AGPAT5: variants seen among roughly 807,000 people sequenced by gnomAD.
The protein encoded by AGPAT5 is 1-acylglycerol-3-phosphate O-acyltransferase 5, also known as 1-acyl-sn-glycerol-3-phosphate acyltransferase epsilon.
Under a neutral mutation model 45.6 loss-of-function variants are expected in AGPAT5, and 46 were observed. The observed-to-expected ratio is 1.01, with a 90% CI of 0.80 to 1.29. AGPAT5 has a LOEUF of 1.29. Ranked by LOEUF, AGPAT5 falls within the 50% of genes most tolerant of loss-of-function variation. The probability of loss-of-function intolerance (pLI) is 0.00; values close to 1 mark genes in which losing one functional copy is unlikely to be tolerated. For missense variants in AGPAT5, 673 were observed against 450.7 expected (o/e 1.49, Z -4.47); for synonymous variants, 272 against 167.0 (o/e 1.63, Z -4.85).
intron 1 of AGPAT5, among the ~76,000 whole-genome samples, chr8:6,718,667 A>G (rs996984405): frequency 6.6e-6 from 1 of 152,204 alleles, no homozygotes; most frequent in African/African-American, 2.4e-5. Context: ...CAAATTTCAC[A>G]AGACATTCTT....
intron 1 of AGPAT5, among the ~76,000 whole-genome samples, chr8:6,714,796 G>A (rs1218089867): frequency 6.6e-6 from 1 of 152,140 alleles, no homozygotes; most frequent in Non-Finnish European, 1.5e-5. Flanking sequence ...CATACCTATG[G>A]GGATACCTCT....
At position 6,708,880 on chromosome 8, in the gene AGPAT5, G is replaced by C. The variant is rs780235451; in HGVS notation, c.212G>C (p.Gly71Ala). 3.7e-6 allele frequency: 6 copies of C among 1,602,274 alleles called. No homozygotes were observed. The highest frequency in any genetic ancestry group is 4.3e-6 in the Non-Finnish European group (5 of 1,174,840). ...MVLFFFENYT[G>A]VQILLYGDLP... ...CTCTTCTTCTTCGAGAATTACACCG[G>C]GGTCCAGGTGAGCCGCCTCCCGCTC... The change falls in exon 1 of 8, where the codon GGG becomes GCG. Residue 71 changes from glycine (G) to alanine (A), a missense_variant. Physicochemically the swap from Gly to Ala is moderately conservative, Grantham distance 60. Transcript: ENST00000285518.
chr8:6,737,931 T>C (rs202108920), intron 4 of AGPAT5, among the ~76,000 whole-genome samples: 1 of 152,190 alleles, frequency 6.6e-6, no homozygotes, highest in East Asian at 1.9e-4. Flanking sequence ...TCTCTCAGCC[T>C]TCAGAGAATT....
chr8:6,743,114 C>G (rs913834089), intron 5 of AGPAT5, among the ~76,000 whole-genome samples: 1 of 152,162 alleles, frequency 6.6e-6, no homozygotes, highest in South Asian at 2.1e-4. Flanking sequence ...GGCTGTTCTC[C>G]ATTATCCTCC....
At chr8:6,741,509 C>T (rs1457364177) in intron 4 of AGPAT5, 152 bp from the exon 5 acceptor site, 1 of 504,248 alleles carries the variant, frequency 2.0e-6, no homozygotes, top group Non-Finnish European at 3.5e-6. Flanking sequence ...TTGTTTGCCC[C>T]TCTTGAAACG....
chr8:6,709,011 C>T (rs1800041450), intron 1 of AGPAT5, 124 bp downstream of exon 1: 3 of 904,104 alleles, frequency 3.3e-6, no homozygotes, highest in Middle Eastern at 4.2e-4. Flanking sequence ...ACGGAGAGCA[C>T]GTGCCGCCTC....
At chr8:6,709,039 A>G (rs775186694) in intron 1 of AGPAT5, 152 bp downstream of exon 1, 6 of 786,760 alleles carry the variant, frequency 7.6e-6, no homozygotes, top group Non-Finnish European at 1.3e-5. Flanking sequence ...TCCTCTCCGC[A>G]TGCTTCCTGC....
intron 4 of AGPAT5, among the ~76,000 whole-genome samples, chr8:6,735,538 C>T (rs189500783): frequency 1.3e-5 from 2 of 152,328 alleles, no homozygotes; most frequent in East Asian, 1.9e-4. Context: ...GTATCTGTTA[C>T]ATTGGCCCCC....
intron 4 of AGPAT5, among the ~76,000 whole-genome samples, chr8:6,739,586 G>C (rs1057207778): frequency 1.3e-5 from 2 of 151,808 alleles, no homozygotes; most frequent in African/African-American, 4.8e-5. Context: ...TGTTGACCTA[G>C]GCATATATTT....
At chr8:6,741,628 CAAAAT>C in intron 4 of AGPAT5, 28 bp from the exon 5 acceptor site, 2 of 1,509,754 alleles carry the variant, frequency 1.3e-6, no homozygotes, top group Non-Finnish European at 1.8e-6. Context: ...AAAGCTCACA[CAAAAT>C]AAACCAAATT....
chr8:6,747,194 C>A (rs1563303812), intron 5 of AGPAT5, among the ~76,000 whole-genome samples: 1 of 152,128 alleles, frequency 6.6e-6, no homozygotes, highest in African/African-American at 2.4e-5. Flanking sequence ...ACTATTCAGC[C>A]ATAAAAAGGA....
Position 6,711,409 on chromosome 8 carries a change from T to C in AGPAT5, c.219+2522T>C, listed in dbSNP as rs118122861. The stretch of plus-strand genomic sequence containing the variant: ...ATTGTTCCTTATAACTCGTTTATCC[T>C]TTTAGGTCCTTCCAGAATCTCTCAT... On this transcript the variant is annotated intron_variant, in intron 1 of 7. Coordinates refer to ENST00000285518, the MANE Select transcript of AGPAT5 (RefSeq NM_018361.5). Among the ~76,000 whole-genome samples the C allele has an allele frequency of 5.7e-3, 874 of 152,370 alleles. 24 individuals carry two copies. Among genetic ancestry groups the C allele is most frequent in the Admixed American group, 0.046 (698 of 15,302 alleles).
intron 2 of AGPAT5, among the ~76,000 whole-genome samples, chr8:6,730,228 CA>C (rs374337325): frequency 0.014 from 1,524 of 109,472 alleles, 8 homozygotes; most frequent in Non-Finnish European, 0.023. Context: ...TCAAGAAATG[CA>C]AAAAAAAAAA....
At chr8:6,749,553 C>T (rs192739325) in intron 6 of AGPAT5, among the ~76,000 whole-genome samples, 1 of 152,180 alleles carries the variant, frequency 6.6e-6, no homozygotes, top group Non-Finnish European at 1.5e-5. Flanking sequence ...CTAGCGATAA[C>T]CAGTTTTCTT....
At chr8:6,725,513 G>A (rs1587014940) in intron 2 of AGPAT5, among the ~76,000 whole-genome samples, 1 of 152,142 alleles carries the variant, frequency 6.6e-6, no homozygotes, top group South Asian at 2.1e-4. Context: ...TGTATTTTGA[G>A]GTAATTCTAG....
At chr8:6,745,452 C>G (rs953794387) in intron 5 of AGPAT5, among the ~76,000 whole-genome samples, 2 of 152,232 alleles carry the variant, frequency 1.3e-5, no homozygotes, top group African/African-American at 4.8e-5. Context: ...CACTTAACCA[C>G]TGACCTCCAA....
intron 1 of AGPAT5, chr8:6,709,310 A>G (rs553236448): frequency 2.5e-5 from 5 of 203,772 alleles, no homozygotes; most frequent in African/African-American, 4.8e-5. Flanking sequence ...CAGAAGTACA[A>G]TTCGGTCTTG....
chr8:6,744,758 CCCTTCTGCAGCTTGCAGGG>C (rs1426226222), intron 5 of AGPAT5, among the ~76,000 whole-genome samples: 2 of 152,220 alleles, frequency 1.3e-5, no homozygotes, highest in African/African-American at 2.4e-5. Flanking sequence ...CTTTCCTTGG[CCCTTCTGCAGCTTGCAGGG>C]CCTTCTGCAG....
At position 6,760,538 on chromosome 8, in the gene AGPAT5, G is replaced by A. The variant is rs1045120571; in HGVS notation, c.*3150G>A. ...GTATTTTGTGTGTATAATTGCAAGC[G>A]CATAGTAAAATAATTTTAACCTTAA... is the stretch of plus-strand genomic sequence containing the variant. On this transcript the variant is annotated 3_prime_UTR_variant, in exon 8 of 8. Coordinates refer to ENST00000285518, the MANE Select transcript of AGPAT5 (RefSeq NM_018361.5). Among the ~76,000 whole-genome samples, 8 of 152,194 alleles carry A rather than the reference G, an allele frequency of 5.3e-5. No homozygotes were observed. Among genetic ancestry groups the A allele is most frequent in the Non-Finnish European group, 8.8e-5 (6 of 68,028 alleles).
Sources: gnomAD v4.1 joint callset for allele counts (sites outside exome capture counted in the v4.1 genomes callset) on GRCh38, gnomAD v4.1.1 for gene constraint, MANE v1.5 for transcripts, NCBI Gene and HGNC (gene_info 2026-07-23, HGNC 2026-07-21) for gene names.